The following PDXDC1 variants were observed in gnomAD, a reference collection of about 807,000 sequenced individuals.
PDXDC1 encodes the protein pyridoxal-dependent decarboxylase domain-containing protein 1.
A neutral mutation model predicts 100.1 loss-of-function variants in PDXDC1; 42 were observed. The ratio of observed to expected loss-of-function variants is 0.42; its 90% CI spans 0.33 to 0.54. The LOEUF (loss-of-function observed/expected upper bound fraction) is 0.54. Among genes scored for constraint, PDXDC1 ranks in the 20% least tolerant of loss-of-function variants. PDXDC1 has a pLI of 0.10. For synonymous variants in PDXDC1, 260 were observed against 371.7 expected, an observed-to-expected ratio of 0.70 and a Z score of 3.46; for missense variants, 636 against 979.2, an observed-to-expected ratio of 0.65 and a Z score of 4.68.
chr16:15,132,647 C>T (rs902862070), intron 16 of PDXDC1: 15 of 755,358 alleles, frequency 2.0e-5, no homozygotes, highest in Non-Finnish European at 2.7e-5. Context: ...CCAAGCTGCC[C>T]GTCTGCCCTG....
intron 16 of PDXDC1, among the ~76,000 whole-genome samples, chr16:15,080,358 C>G (rs1304984045): frequency 6.6e-6 from 1 of 152,184 alleles, no homozygotes; most frequent in African/African-American, 2.4e-5. Context: ...ATATATCATA[C>G]AATCACCAAC....
intron 12 of PDXDC1, among the ~76,000 whole-genome samples, chr16:15,022,387 C>T (rs1299585987): frequency 1.3e-5 from 2 of 152,288 alleles, no homozygotes; most frequent in Non-Finnish European, 2.9e-5. Flanking sequence ...TCGTTGGTCT[C>T]CCCTAGTGTT....
intron 1 of PDXDC1, among the ~76,000 whole-genome samples, chr16:14,986,968 A>T (rs574885788): frequency 1.9e-4 from 29 of 152,402 alleles, no homozygotes; most frequent in African/African-American, 6.7e-4. Flanking sequence ...GCTGGTCTCA[A>T]ACTCTTGACA....
chr16:15,026,753 C>A, intron 14 of PDXDC1, 47 bp downstream of exon 14: 1 of 1,549,964 alleles, frequency 6.5e-7, no homozygotes, highest in Non-Finnish European at 8.9e-7. Context: ...GTGTTAAAGG[C>A]TTTGAATTTG....
intron 1 of PDXDC1, among the ~76,000 whole-genome samples, chr16:14,979,200 CAT>C (rs1479432070): frequency 6.6e-6 from 1 of 152,296 alleles, no homozygotes; most frequent in Admixed American, 6.5e-5. Context: ...TCAGCAGCCA[CAT>C]GTGGCTGATG....
At chr16:14,987,003 C>T (rs1256685916) in intron 1 of PDXDC1, among the ~76,000 whole-genome samples, 2 of 152,292 alleles carry the variant, frequency 1.3e-5, no homozygotes, top group Non-Finnish European at 2.9e-5. Context: ...CTGCTTTGGC[C>T]TCCCAAAGTG....
At chr16:15,085,731 T>C (rs2045891812) in intron 16 of PDXDC1, 1 of 1,611,698 alleles carries the variant, frequency 6.2e-7, no homozygotes, top group African/African-American at 1.3e-5. Flanking sequence ...TGTTATTCTG[T>C]CATTGATCTA....
chr16:14,986,454 A>G (rs1969399841), intron 1 of PDXDC1, among the ~76,000 whole-genome samples: 1 of 152,288 alleles, frequency 6.6e-6, no homozygotes, highest in Admixed American at 6.5e-5. Flanking sequence ...GGGAGACAGA[A>G]TGAGACTGCA....
chr16:15,076,577 G>A (rs745481960), intron 16 of PDXDC1: 18 of 1,611,120 alleles, frequency 1.1e-5, no homozygotes, highest in African/African-American at 4.0e-5. Context: ...CAATCCTTCC[G>A]TGGAATCTGT....
At chr16:15,078,672 C>T (rs1393402416) in intron 16 of PDXDC1, among the ~76,000 whole-genome samples, 1 of 152,074 alleles carries the variant, frequency 6.6e-6, no homozygotes, top group Admixed American at 6.6e-5. Context: ...TCCTAAACTG[C>T]ATCTTTCCAA....
At chr16:15,047,846 T>C (rs1253620334) in intron 16 of PDXDC1, 1 of 1,607,628 alleles carries the variant, frequency 6.2e-7, no homozygotes, top group African/African-American at 1.3e-5. Context: ...TTCACCTCTC[T>C]CATCATACCT....
At chr16:15,143,420 C>A (rs975879276), downstream of PDXDC1, among the ~76,000 whole-genome samples, 57 of 152,334 alleles carry the variant, frequency 3.7e-4, no homozygotes, top group African/African-American at 1.2e-3. Context: ...GCCTGCCGGC[C>A]CGAGGTATCT....
chr16:15,145,026 G>A, the PDXDC1 span, among the ~76,000 whole-genome samples: 4 of 152,180 alleles, frequency 2.6e-5, no homozygotes, highest in Non-Finnish European at 5.9e-5. Context: ...TTCACAGCCT[G>A]GGTGGGCAGG....
At chr16:15,051,691 ATTTTT>A (rs1276652690) in intron 16 of PDXDC1, among the ~76,000 whole-genome samples, 3 of 122,176 alleles carry the variant, frequency 2.5e-5, no homozygotes, top group African/African-American at 9.1e-5. Flanking sequence ...CCTCTACTTT[ATTTTT>A]AATTTTTTTT....
chr16:15,068,112 T>C (rs1419397673), intron 16 of PDXDC1: 2 of 1,494,496 alleles, frequency 1.3e-6, no homozygotes, highest in Non-Finnish European at 1.8e-6. Flanking sequence ...CAATACTAGA[T>C]AAACATAAAT....
At chr16:15,027,426 A>G (rs1567703787) in intron 14 of PDXDC1, among the ~76,000 whole-genome samples, 1 of 152,258 alleles carries the variant, frequency 6.6e-6, no homozygotes, top group Non-Finnish European at 1.5e-5. Context: ...AGCCGTCTGT[A>G]GGCAGCTTGT....
chr16:14,999,512 C>T (rs1178810588), intron 3 of PDXDC1, among the ~76,000 whole-genome samples: 29 of 152,146 alleles, frequency 1.9e-4, no homozygotes, highest in Non-Finnish European at 3.2e-4. Flanking sequence ...AGTTCGAGGC[C>T]ACCCTGAACA....
chr16:15,130,537 T>C lies in PDXDC1; in HGVS notation c.1400-8342T>C, dbSNP rs1031125894. 16 of 1,328,382 alleles carry C rather than the reference T, an allele frequency of 1.2e-5. No individual in the cohort carries two copies. The East Asian group carries it at 3.0e-4, about 25-fold the overall frequency. 82.3% of individuals were successfully genotyped at this position (1,328,382 alleles called of 1,614,324 possible). ...GTCCCAGAGCCCATACCCGGTCCAGTCCCCTCGCTGCCTGCCGTCCCCACA... is the reference window on the plus strand; with the variant it reads ...GTCCCAGAGCCCATACCCGGTCCAGCCCCCTCGCTGCCTGCCGTCCCCACA... On this transcript the variant is annotated intron_variant, in intron 16 of 16. Transcript: ENST00000535621.
At chr16:15,089,756 C>T (rs149407851) in intron 16 of PDXDC1, among the ~76,000 whole-genome samples, 10,831 of 128,938 alleles carry the variant, frequency 0.084, 599 homozygotes, top group Non-Finnish European at 0.12. Flanking sequence ...GCCAAGATTG[C>T]GCCACTGCAC....
Sources: gnomAD v4.1 joint callset for allele counts (sites outside exome capture counted in the v4.1 genomes callset) on GRCh38, gnomAD v4.1.1 for gene constraint, MANE v1.5 for transcripts, NCBI Gene and HGNC (gene_info 2026-07-23, HGNC 2026-07-21) for gene names.